CTNNA3: variants seen among roughly 807,000 people sequenced by gnomAD.
CTNNA3 encodes the protein catenin alpha 3, also known as catenin alpha-3.
Under a neutral mutation model 95.7 loss-of-function variants are expected in CTNNA3, and 76 were observed. The ratio of observed to expected loss-of-function variants is 0.79; its 90% confidence interval spans 0.66 to 0.96. The LOEUF (loss-of-function observed/expected upper bound fraction) is 0.96. CTNNA3 is among the 40% of genes least tolerant of loss of function. The pLI, the probability that CTNNA3 is intolerant of heterozygous loss-of-function variation, is 0.00. For missense variants in CTNNA3, 1,191 were observed against 1,089.8 expected, an observed-to-expected ratio of 1.09 and a Z score of -1.31; for synonymous variants, 431 against 374.4, an observed-to-expected ratio of 1.15 and a Z score of -1.74.
At chr10:65,979,793 G>A (rs1440541242) in intron 16 of CTNNA3, among the ~76,000 whole-genome samples, 1 of 151,986 alleles carries the variant, frequency 6.6e-6, no homozygotes, top group Non-Finnish European at 1.5e-5. Context: ...CTTAGAACAG[G>A]AGATTCACTA....
chr10:67,631,927 A>G (rs1839154880), intron 2 of CTNNA3, among the ~76,000 whole-genome samples: 1 of 152,198 alleles, frequency 6.6e-6, no homozygotes, highest in Non-Finnish European at 1.5e-5. Context: ...AGTTAAATTC[A>G]AAGAAGCAGA....
intron 1 of CTNNA3, among the ~76,000 whole-genome samples, chr10:67,703,407 C>T (rs902585873): frequency 6.6e-6 from 1 of 152,150 alleles, no homozygotes; most frequent in South Asian, 2.1e-4. Flanking sequence ...TCCAGCAGCA[C>T]ATCAAAAAGC....
At position 66,708,627 on chromosome 10, in the gene CTNNA3, T is replaced by C. The variant is rs185567783; in HGVS notation, c.1281+57637A>G. On this transcript the variant is annotated intron_variant, in intron 9 of 17. Coordinates refer to ENST00000433211, the MANE Select transcript of CTNNA3 (RefSeq NM_013266.4). ...GAAGGAAGAGATACAATTCAGCCCA[T>C]AACAAGAGGCCAGAGAGCTGTCATG... 1.0e-3 allele frequency among the ~76,000 whole-genome samples: 158 copies of C among 152,110 alleles called. 1 individual carries two copies. The highest frequency in any genetic ancestry group is 3.4e-3 in the Middle Eastern group (1 of 294).
chr10:67,653,646 G>C (rs1475726158), intron 1 of CTNNA3, among the ~76,000 whole-genome samples: 1 of 151,954 alleles, frequency 6.6e-6, no homozygotes, highest in Non-Finnish European at 1.5e-5. Context: ...ATCATATTTC[G>C]TGTTAATCTG....
intron 11 of CTNNA3, among the ~76,000 whole-genome samples, chr10:66,432,851 A>G (rs1014022126): frequency 1.3e-5 from 2 of 151,912 alleles, no homozygotes; most frequent in African/African-American, 2.4e-5. Context: ...CCCTGTGCCC[A>G]TATGTTCTCA....
chr10:67,270,561 G>C (rs905666227), intron 5 of CTNNA3, among the ~76,000 whole-genome samples: 1 of 152,094 alleles, frequency 6.6e-6, no homozygotes, highest in African/African-American at 2.4e-5. Flanking sequence ...TTTGGAGAGG[G>C]AGTATTTAAA....
chr10:67,347,847 A>AAC (rs1167032963), intron 5 of CTNNA3, among the ~76,000 whole-genome samples: 8 of 150,398 alleles, frequency 5.3e-5, no homozygotes, highest in East Asian at 1.9e-4. Flanking sequence ...AAAAAAAAAA[A>AAC]ACACAAAAAC....
At chr10:67,433,426 A>G (rs1386891266) in intron 5 of CTNNA3, among the ~76,000 whole-genome samples, 2 of 152,058 alleles carry the variant, frequency 1.3e-5, no homozygotes, top group East Asian at 3.9e-4. Flanking sequence ...TATTGCAAGA[A>G]TTACCAAAAT....
chr10:67,672,123 T>C (rs1333324583), intron 1 of CTNNA3, among the ~76,000 whole-genome samples: 5 of 152,368 alleles, frequency 3.3e-5, no homozygotes, highest in Non-Finnish European at 5.9e-5. Flanking sequence ...ATGATGAGCA[T>C]TTTTTCATGT....
At chr10:66,283,079 A>G (rs1053246426) in intron 12 of CTNNA3, among the ~76,000 whole-genome samples, 1 of 151,940 alleles carries the variant, frequency 6.6e-6, no homozygotes, top group African/African-American at 2.4e-5. Flanking sequence ...TTACTTTTGT[A>G]GTGTTAAAAG....
At chr10:67,284,053 G>A (rs1321885600) in intron 5 of CTNNA3, among the ~76,000 whole-genome samples, 1 of 152,248 alleles carries the variant, frequency 6.6e-6, no homozygotes. Flanking sequence ...GCTGGGGTGG[G>A]GAAAGTGGGG....
At chr10:67,065,909 G>A (rs1856041830) in intron 7 of CTNNA3, among the ~76,000 whole-genome samples, 1 of 146,550 alleles carries the variant, frequency 6.8e-6, no homozygotes, top group Admixed American at 6.9e-5. Context: ...GTGTGAAAAG[G>A]AAATACCACC....
At chr10:66,578,736 A>C (rs1231269107) in intron 10 of CTNNA3, among the ~76,000 whole-genome samples, 1 of 150,896 alleles carries the variant, frequency 6.6e-6, no homozygotes, top group Admixed American at 6.6e-5. Flanking sequence ...TCATTGAGAA[A>C]ATTTTGCATC....
At chr10:67,249,838 T>C (rs1866037893) in intron 5 of CTNNA3, among the ~76,000 whole-genome samples, 1 of 152,092 alleles carries the variant, frequency 6.6e-6, no homozygotes, top group South Asian at 2.1e-4. Flanking sequence ...ATTCACCAGT[T>C]TACCTAACAT....
chr10:66,111,216 T>C (rs1166886624), intron 13 of CTNNA3, among the ~76,000 whole-genome samples: 1 of 152,098 alleles, frequency 6.6e-6, no homozygotes, highest in Non-Finnish European at 1.5e-5. Flanking sequence ...GTGCAGCATC[T>C]CCTCCTTGGC....
In CTNNA3 at chr10:65,918,348, T is replaced by A. The variant is rs1471089170; in HGVS notation, c.*1982A>T. The A allele has an allele frequency of 1.3e-5, 2 of 152,052 alleles. No homozygotes were observed. The highest frequency in any genetic ancestry group is 4.8e-5 in the African/African-American group (2 of 41,406). The allele number at this position is 152,052 out of a possible 1,614,324, so 9.4% of individuals were successfully genotyped here. A position where few individuals can be genotyped will look rare whatever the true frequency, so the allele number is the denominator to read the frequency against. On this transcript the variant is annotated 3_prime_UTR_variant, in exon 18 of 18. Coordinates refer to ENST00000433211, the MANE Select transcript of CTNNA3 (RefSeq NM_013266.4). ...TGCTAGTTTGGTGATTTCAAAAAAA[T>A]TTTCTATACAGCTGGTAGTTTGGTG...
chr10:67,031,081 T>C (rs889424922), intron 7 of CTNNA3, among the ~76,000 whole-genome samples: 1 of 152,224 alleles, frequency 6.6e-6, no homozygotes, highest in African/African-American at 2.4e-5. Context: ...CCCGTCATAC[T>C]TGACTTCTGT....
At chr10:67,040,547 T>A (rs751135623) in intron 7 of CTNNA3, among the ~76,000 whole-genome samples, 1 of 152,152 alleles carries the variant, frequency 6.6e-6, no homozygotes, top group African/African-American at 2.4e-5. Flanking sequence ...TCTCCCTTAG[T>A]TCTTATGGAT....
chr10:67,167,316 G>T (rs2132104541), intron 7 of CTNNA3, among the ~76,000 whole-genome samples: 1 of 152,106 alleles, frequency 6.6e-6, no homozygotes, highest in East Asian at 1.9e-4. Context: ...CTTTTGGCTA[G>T]GAATGCAGCT....
Sources: allele counts gnomAD v4.1 joint callset (sites outside exome capture counted in the v4.1 genomes callset), GRCh38; gene constraint gnomAD v4.1.1; transcripts MANE v1.5; gene names NCBI Gene and HGNC (gene_info 2026-07-23, HGNC 2026-07-21).